The following COL4A1 variants were observed in gnomAD, a reference collection of about 807,000 sequenced individuals.
COL4A1 encodes collagen alpha-1(IV) chain.
COL4A1 carries 40 observed loss-of-function variants against 216.6 expected under a neutral mutation model. That is an observed-to-expected ratio of 0.18 (90% CI 0.14 to 0.24). COL4A1 has a LOEUF of 0.24. Ranked by LOEUF, COL4A1 falls within the 10% of genes least tolerant of loss-of-function variation. The pLI is 1.00. For synonymous variants in COL4A1, 839 were observed against 810.7 expected, an observed-to-expected ratio of 1.03 and a Z score of -0.59; for missense variants, 1,628 against 2,196.8, an observed-to-expected ratio of 0.74 and a Z score of 5.18.
intron 1 of COL4A1, among the ~76,000 whole-genome samples, chr13:110,253,192 A>G (rs1287887840): frequency 7.0e-6 from 1 of 142,744 alleles, no homozygotes; most frequent in East Asian, 2.1e-4. Flanking sequence ...TATGTATTAT[A>G]TATACATATA....
intron 2 of COL4A1, among the ~76,000 whole-genome samples, chr13:110,224,876 TTC>T (rs939060838): frequency 2.8e-4 from 42 of 152,264 alleles, no homozygotes; most frequent in African/African-American, 9.6e-4. Context: ...GATTTTTTTT[TTC>T]TTTTTTTGGT....
intron 24 of COL4A1, chr13:110,191,611 T>C: frequency 1.5e-6 from 1 of 679,676 alleles, no homozygotes. Flanking sequence ...TTCATGTCAA[T>C]GTGATCCGGA....
intron 1 of COL4A1, among the ~76,000 whole-genome samples, chr13:110,299,784 A>AGTCT (rs1339100195): frequency 9.2e-5 from 14 of 152,324 alleles, no homozygotes; most frequent in African/African-American, 2.6e-4. Flanking sequence ...TAGGGTCCTT[A>AGTCT]GTCTGGTGGT....
chr13:110,199,737 C>T (rs1440558874), intron 20 of COL4A1, among the ~76,000 whole-genome samples: 1 of 152,110 alleles, frequency 6.6e-6, no homozygotes, highest in African/African-American at 2.4e-5. Context: ...ACTCCTCCAG[C>T]CAGAGCAACT....
At chr13:110,302,616 G>C (rs1021334979) in intron 1 of COL4A1, among the ~76,000 whole-genome samples, 1 of 152,186 alleles carries the variant, frequency 6.6e-6, no homozygotes, top group African/African-American at 2.4e-5. Context: ...AGGGAAACGA[G>C]GCTGGAACCA....
At chr13:110,186,861 A>T (rs1392964682) in intron 25 of COL4A1, among the ~76,000 whole-genome samples, 2 of 152,190 alleles carry the variant, frequency 1.3e-5, no homozygotes, top group African/African-American at 4.8e-5. Context: ...TTCACCTCCC[A>T]TCCAAAGCAA....
intron 1 of COL4A1, among the ~76,000 whole-genome samples, chr13:110,290,319 A>G (rs893462148): frequency 6.6e-5 from 10 of 152,212 alleles, no homozygotes; most frequent in Non-Finnish European, 1.3e-4. Flanking sequence ...GACTCCCCAG[A>G]GGGAACACAA....
chr13:110,266,837 C>G (rs1228310825), intron 1 of COL4A1, among the ~76,000 whole-genome samples: 1 of 152,128 alleles, frequency 6.6e-6, no homozygotes, highest in Admixed American at 6.5e-5. Context: ...ACGAATGTGG[C>G]AAAATGTAAG....
chr13:110,190,903 C>G (rs1878598344), intron 24 of COL4A1: 1 of 152,140 alleles, frequency 6.6e-6, no homozygotes, highest in South Asian at 2.1e-4. Flanking sequence ...TCACCTCTTT[C>G]CTCTTTTTCC....
chr13:110,263,233 A>C (rs1379994287), intron 1 of COL4A1, among the ~76,000 whole-genome samples: 1 of 152,220 alleles, frequency 6.6e-6, no homozygotes, highest in Non-Finnish European at 1.5e-5. Flanking sequence ...CTTGGCCTCC[A>C]GGAATGATGT....
At chr13:110,259,727 G>GACCC (rs1440686976) in intron 1 of COL4A1, among the ~76,000 whole-genome samples, 15 of 152,158 alleles carry the variant, frequency 9.9e-5, no homozygotes, top group African/African-American at 3.4e-4. Context: ...AATAGAAATA[G>GACCC]GTCAGTCAAC....
At chr13:110,159,714 C>A (rs1876978474) in intron 49 of COL4A1, among the ~76,000 whole-genome samples, 1 of 152,106 alleles carries the variant, frequency 6.6e-6, no homozygotes, top group Admixed American at 6.5e-5. Context: ...TGTCCAGTGA[C>A]AGAGGAATGG....
chr13:110,168,707 A>G (rs1383215904), intron 43 of COL4A1, among the ~76,000 whole-genome samples: 1 of 152,210 alleles, frequency 6.6e-6, no homozygotes, highest in Non-Finnish European at 1.5e-5. Flanking sequence ...CCTTTAAGGG[A>G]GAACATGTGT....
At chr13:110,156,439 G>A (rs1385663271) in intron 49 of COL4A1, among the ~76,000 whole-genome samples, 4 of 152,168 alleles carry the variant, frequency 2.6e-5, no homozygotes, top group Admixed American at 1.3e-4. Context: ...GGCCTCCTGC[G>A]GGAAACTTGT....
chr13:110,206,772 T>G, intron 14 of COL4A1, 57 bp from the exon 15 acceptor site: 1 of 1,607,930 alleles, frequency 6.2e-7, no homozygotes, highest in Non-Finnish European at 8.5e-7. Context: ...AAATTTAAAT[T>G]AGATAGATAT....
chr13:110,162,079 G>A lies in COL4A1; in HGVS notation c.4462+151C>T, dbSNP rs751125. 4.8e-3 allele frequency: 3,754 copies of A among 775,194 alleles called. 86 individuals carry two copies. In the African/African-American group the frequency reaches 0.055, roughly 11 times the overall value. 48.0% of individuals were successfully genotyped at this position (775,194 alleles called of 1,614,324 possible). A position where few individuals can be genotyped will look rare whatever the true frequency, so the allele number is the denominator to read the frequency against. The stretch of plus-strand genomic sequence containing the variant: ...GTAATCAATGGAGGGAAATGGGGCC[G>A]GGCTGCTTTTTCACTGGCTACCGCC... On this transcript the variant is annotated intron_variant, in intron 48 of 51. Transcript: ENST00000375820.
At chr13:110,273,251 G>A (rs908126048) in intron 1 of COL4A1, among the ~76,000 whole-genome samples, 1 of 152,182 alleles carries the variant, frequency 6.6e-6, no homozygotes, top group Non-Finnish European at 1.5e-5. Context: ...GGAGAAAAGT[G>A]GAGAAGGTCC....
At chr13:110,187,384 G>A (rs1403985325) in intron 24 of COL4A1, 55 bp from the exon 25 acceptor site, 5 of 1,593,336 alleles carry the variant, frequency 3.1e-6, no homozygotes, top group Non-Finnish European at 4.3e-6. Context: ...AAGCACACCA[G>A]TGTGACTGTA....
chr13:110,227,426 A>AC (rs369673332), intron 2 of COL4A1, among the ~76,000 whole-genome samples: 19,111 of 139,982 alleles, frequency 0.14, 1,300 homozygotes, highest in Non-Finnish European at 0.16. Context: ...ACACACACAC[A>AC]AACACACACA....
Sources: allele counts gnomAD v4.1 joint callset (sites outside exome capture counted in the v4.1 genomes callset), GRCh38; gene constraint gnomAD v4.1.1; transcripts MANE v1.5; gene names NCBI Gene and HGNC (gene_info 2026-07-23, HGNC 2026-07-21).